Variants in STK26 observed in about 807,000 individuals in gnomAD.
STK26 encodes the protein serine/threonine kinase 26.
Under a neutral mutation model 34.7 loss-of-function variants are expected in STK26, and 14 were observed. The ratio of observed to expected loss-of-function variants is 0.40; its 90% CI spans 0.27 to 0.63. STK26 has a LOEUF of 0.63. Ranked by LOEUF, STK26 falls within the 30% of genes least tolerant of loss-of-function variation. STK26 has a pLI of 0.38. For missense variants in STK26, 226 were observed against 309.1 expected, an observed-to-expected ratio of 0.73 and a Z score of 2.02; for synonymous variants, 100 against 109.8, an observed-to-expected ratio of 0.91 and a Z score of 0.56.
At chrX:132,062,936 A>G (rs2124182874) in intron 3 of STK26, among the ~76,000 whole-genome samples, 1 of 111,557 alleles carries the variant, frequency 9.0e-6, no homozygotes, top group African/African-American at 3.2e-5. Context: ...TTAAACCTAC[A>G]TTTTAGAATC....
chrX:132,029,783 A>G (rs938413112), intron 2 of STK26, among the ~76,000 whole-genome samples: 16 of 111,448 alleles, frequency 1.4e-4, no homozygotes, highest in African/African-American at 5.2e-4. Context: ...GTCCCAGGCT[A>G]TAGAAATCTC....
At chrX:132,049,511 A>T (rs1231300571) in intron 2 of STK26, among the ~76,000 whole-genome samples, 1 of 111,893 alleles carries the variant, frequency 8.9e-6, no homozygotes, top group Non-Finnish European at 1.9e-5. Flanking sequence ...TAATCCAGAA[A>T]AACATTTCGT....
intron 6 of STK26, 68 bp from the exon 7 acceptor site, chrX:132,069,410 C>CAT (rs57609807): frequency 0.02 from 1,870 of 93,225 alleles, 21 homozygotes; most frequent in Admixed American, 0.041. Context: ...CATACATACA[C>CAT]ATATATATAT....
At position 132,054,780 on chromosome X, in the gene STK26, A is replaced by G; in HGVS notation, c.192A>G (p.Ile64Met). Residue 64 changes from isoleucine (I) to methionine (M), a missense_variant, in exon 3 of 12, where the codon ATA (isoleucine) becomes ATG (methionine). Coordinates refer to ENST00000394334, the MANE Select transcript of STK26 (RefSeq NM_016542.4). Reference sequence around the variant, plus strand: ...ACCTTGAGGAAGCCGAAGATGAAATAGAAGACATTCAGCAAGAAATAACTG... The same window carrying G: ...ACCTTGAGGAAGCCGAAGATGAAATGGAAGACATTCAGCAAGAAATAACTG... Reference protein sequence around the residue: ...IIDLEEAEDEIEDIQQEITVL... With the variant: ...IIDLEEAEDEMEDIQQEITVL... 1.6e-5 allele frequency: 19 copies of G among 1,211,913 alleles called. No individual in the cohort carries two copies. The highest frequency in any genetic ancestry group is 2.1e-5 in the Non-Finnish European group (19 of 895,375).
At chrX:132,023,478 C>A in intron 1 of STK26, 30 bp from the exon 2 acceptor site, 1 of 793,776 alleles carries the variant, frequency 1.3e-6, no homozygotes. Flanking sequence ...GCCGCCAGCC[C>A]AGTAACCCCA....
chrX:132,075,866 G>A lies in STK26; in HGVS notation c.*1707G>A, dbSNP rs968634674. The A allele has an allele frequency of 9.0e-6, 1 of 111,452 alleles. No individual in the cohort carries two copies. Among genetic ancestry groups the A allele is most frequent in the African/African-American group, 3.3e-5 (1 of 30,755 alleles). The allele number at this position is 111,452 out of a possible 1,213,427, so 9.2% of individuals were successfully genotyped here. On this transcript the variant is annotated 3_prime_UTR_variant, in exon 12 of 12. Coordinates refer to ENST00000394334, the MANE Select transcript of STK26 (RefSeq NM_016542.4). Reference sequence around the variant, plus strand: ...TATTGCTTATTCATTATAGCTATTCGTCCTGTAATCTGTTTCTAGGTGAAG... The same window carrying A: ...TATTGCTTATTCATTATAGCTATTCATCCTGTAATCTGTTTCTAGGTGAAG...
chrX:132,034,309 T>TA, intron 2 of STK26, among the ~76,000 whole-genome samples: 1 of 67,234 alleles, frequency 1.5e-5, no homozygotes, highest in African/African-American at 5.3e-5. Flanking sequence ...TTTTTTTTTT[T>TA]TTTTTTTTTT....
intron 8 of STK26, among the ~76,000 whole-genome samples, chrX:132,071,708 G>A (rs759664456): frequency 1.7e-4 from 19 of 111,648 alleles, no homozygotes; most frequent in Non-Finnish European, 2.3e-4. Flanking sequence ...TAACAGCAGC[G>A]TTTACATTAA....
chrX:132,051,421 G>A (rs766544526), intron 2 of STK26, among the ~76,000 whole-genome samples: 60 of 111,105 alleles, frequency 5.4e-4, no homozygotes, highest in African/African-American at 1.7e-3. Flanking sequence ...GGTATGGCAC[G>A]CGGAAATCAT....
Position 132,069,605 on chromosome X carries a change from A to T in STK26, c.725A>T (p.Asp242Val). The change falls in exon 7 of 12, where the codon GAC becomes GTC. Residue 242 changes from aspartate (D) to valine (V), a missense_variant. Asp to Val is a radical substitution (Grantham distance 152). This residue lies in a region of STK26 where 126 missense variants were observed against 132.4 expected (regional missense o/e 0.95). Transcript: ENST00000394334. The part of the protein sequence containing the change: ...PKNNPPTLVG[D>V]FTKSFKEFID... ...AACAATCCTCCAACTCTTGTTGGAG[A>T]CTTTACTAAGTCTTTTAAGGAGTTT... The T allele has an allele frequency of 8.6e-7, 1 of 1,169,577 alleles. No homozygotes were observed. Among genetic ancestry groups the T allele is most frequent in the Non-Finnish European group, 1.1e-6 (1 of 875,141 alleles).
At chrX:132,031,856 G>T (rs1925851235) in intron 2 of STK26, among the ~76,000 whole-genome samples, 1 of 111,844 alleles carries the variant, frequency 8.9e-6, no homozygotes, top group South Asian at 3.7e-4. Context: ...GAGTGATTCT[G>T]TAGGAAAATG....
rs551673447 is a variant in STK26 at position 132,067,121 on chromosome X, G to A, written c.331-1094G>A. On this transcript the variant is annotated intron_variant, in intron 4 of 11. Coordinates refer to ENST00000394334, the MANE Select transcript of STK26 (RefSeq NM_016542.4). ...CTATTGAATTACAGATATCCCTGGA[G>A]TATACTATATACCCAGACCACAGTT... 2.7e-5 allele frequency among the ~76,000 whole-genome samples: 3 copies of A among 112,037 alleles called. No individual in the cohort carries two copies. In the South Asian group the frequency reaches 1.1e-3, roughly 42 times the overall value.
At chrX:132,028,735 CGT>C (rs962744634) in intron 2 of STK26, among the ~76,000 whole-genome samples, 2 of 110,364 alleles carry the variant, frequency 1.8e-5, no homozygotes, top group Non-Finnish European at 3.8e-5. Context: ...AGGATGAGAA[CGT>C]GTGTCAAGTT....
At chrX:132,027,756 C>G (rs1408909512) in intron 2 of STK26, among the ~76,000 whole-genome samples, 1 of 111,498 alleles carries the variant, frequency 9.0e-6, no homozygotes, top group East Asian at 2.8e-4. Context: ...CTCAATGTAC[C>G]AAGTTATATA....
At chrX:132,039,400 A>G (rs975112796) in intron 2 of STK26, among the ~76,000 whole-genome samples, 1 of 111,543 alleles carries the variant, frequency 9.0e-6, no homozygotes, top group African/African-American at 3.3e-5. Context: ...TAGAATGAAT[A>G]AAGAATGTAG....
chrX:132,039,015 AAAACAAAC>A (rs775616813), intron 2 of STK26, among the ~76,000 whole-genome samples: 1 of 111,287 alleles, frequency 9.0e-6, no homozygotes, highest in Admixed American at 9.6e-5. Context: ...CTTTATGCTT[AAAACAAAC>A]AAACAAACAA....
chrX:132,068,633 T>C (rs954380797), intron 6 of STK26, 64 bp downstream of exon 6: 123 of 1,009,622 alleles, frequency 1.2e-4, no homozygotes, highest in Admixed American at 5.9e-4. Context: ...CACACTATCC[T>C]AGTTAATACA....
intron 2 of STK26, among the ~76,000 whole-genome samples, chrX:132,044,661 C>A (rs867442577): frequency 2.9e-5 from 2 of 69,701 alleles, no homozygotes; most frequent in East Asian, 3.6e-4. Flanking sequence ...CTCTCTCTCT[C>A]TCTCGAGATC....
intron 3 of STK26, among the ~76,000 whole-genome samples, chrX:132,056,786 G>A (rs1476584091): frequency 8.9e-6 from 1 of 112,615 alleles, no homozygotes; most frequent in Non-Finnish European, 1.9e-5. Flanking sequence ...GTGGCGTAGG[G>A]CCTAGCTATT....
Sources: allele counts gnomAD v4.1 joint callset (sites outside exome capture counted in the v4.1 genomes callset), GRCh38; gene constraint gnomAD v4.1.1; regional missense constraint gnomAD v4.1.1; transcripts MANE v1.5; gene names NCBI Gene and HGNC (gene_info 2026-07-23, HGNC 2026-07-21).